TM9SF4: variants seen among roughly 807,000 people sequenced by gnomAD.
TM9SF4 encodes dinucleotide oxidase disulfide thiol exchanger 3 superfamily member 4.
TM9SF4 carries 26 observed loss-of-function variants against 90.4 expected under a neutral mutation model. That is an observed-to-expected ratio of 0.29 (90% CI 0.21 to 0.40). TM9SF4 has a LOEUF of 0.40. Among genes scored for constraint, TM9SF4 ranks in the 10% least tolerant of loss-of-function variants. The pLI is 1.00. For synonymous variants in TM9SF4, 293 were observed against 315.4 expected (o/e 0.93, Z 0.75); for missense variants, 549 against 834.8 (o/e 0.66, Z 4.22).
chr20:32,156,167 A>G (rs989922690), intron 13 of TM9SF4, among the ~76,000 whole-genome samples: 1 of 152,234 alleles, frequency 6.6e-6, no homozygotes, highest in African/African-American at 2.4e-5. Context: ...TTTAAAATTT[A>G]TAAAATAACA....
chr20:32,113,286 C>T (rs555954713), intron 1 of TM9SF4, among the ~76,000 whole-genome samples: 48 of 152,326 alleles, frequency 3.2e-4, no homozygotes, highest in African/African-American at 1.1e-3. Flanking sequence ...GAGCCGCCAG[C>T]TCCCAGAACA....
intron 1 of TM9SF4, among the ~76,000 whole-genome samples, chr20:32,127,511 G>C (rs2046440453): frequency 6.6e-6 from 1 of 152,152 alleles, no homozygotes; most frequent in African/African-American, 2.4e-5. Flanking sequence ...GCAGGGACTT[G>C]GTAAGTGGAA....
chr20:32,160,055 G>C lies in TM9SF4; in HGVS notation c.1633G>C (p.Val545Leu). ...CCTGTTCCTTGTTTTCATCATCCTG[G>C]TGGTATCCTGTTCACAAATCAGCAT... ...GFLFLVFIILVVSCSQISIVM... is the reference protein window; with the variant it reads ...GFLFLVFIILLVSCSQISIVM... Residue 545 changes from valine (V) to leucine (L), a missense_variant, in exon 16 of 18, where the codon GTG (valine) becomes CTG (leucine). This residue lies in a region of TM9SF4 where 495 missense variants were observed against 711.7 expected (regional missense o/e 0.70). Coordinates refer to ENST00000398022, the MANE Select transcript of TM9SF4 (RefSeq NM_014742.4). The C allele has an allele frequency of 1.2e-6, 2 of 1,614,188 alleles. No homozygotes were observed. Among genetic ancestry groups the C allele is most frequent in the Non-Finnish European group, 1.7e-6 (2 of 1,180,032 alleles).
At chr20:32,148,886 G>A (rs2046801427) in intron 9 of TM9SF4, among the ~76,000 whole-genome samples, 1 of 152,012 alleles carries the variant, frequency 6.6e-6, no homozygotes. Context: ...TAGCCAGGAT[G>A]GTCTCGATCT....
At position 32,122,145 on chromosome 20, in the gene TM9SF4, C is replaced by T. The variant is rs866157453; in HGVS notation, c.16-10868C>T. On this transcript the variant is annotated intron_variant, in intron 1 of 17. Coordinates refer to ENST00000398022, the MANE Select transcript of TM9SF4 (RefSeq NM_014742.4). The stretch of plus-strand genomic sequence containing the variant: ...TCACCTCCCAGACGGGGCAGCTGGC[C>T]GGGCGGGGGGGGTGACCCCCCCACC... Among the ~76,000 whole-genome samples, 21 of 134,832 alleles carry T rather than the reference C, an allele frequency of 1.6e-4. 1 individual carries two copies. Among genetic ancestry groups the T allele is most frequent in the African/African-American group, 4.8e-4 (16 of 33,294 alleles). 88.5% of individuals were successfully genotyped at this position (134,832 alleles called of 152,430 possible). A position where few individuals can be genotyped will look rare whatever the true frequency, so the allele number is the denominator to read the frequency against.
chr20:32,164,422 G>C (rs1306123718), intron 17 of TM9SF4, among the ~76,000 whole-genome samples: 1 of 152,126 alleles, frequency 6.6e-6, no homozygotes, highest in Non-Finnish European at 1.5e-5. Context: ...TGAGGCAGGA[G>C]GATCCCTTGA....
chr20:32,126,094 C>A (rs1375070012), intron 1 of TM9SF4, among the ~76,000 whole-genome samples: 3 of 150,406 alleles, frequency 2.0e-5, no homozygotes, highest in Non-Finnish European at 3.0e-5. Context: ...CACACACACA[C>A]ACACACACAC....
Position 32,161,620 on chromosome 20 carries a change from G to A in TM9SF4, c.1779+255G>A, listed in dbSNP as rs540758323. 2.0e-5 allele frequency among the ~76,000 whole-genome samples: 3 copies of A among 152,302 alleles called. No homozygotes were observed. The South Asian group carries it at 6.2e-4, about 32-fold the overall frequency. On this transcript the variant is annotated intron_variant, in intron 17 of 17. Coordinates refer to ENST00000398022, the MANE Select transcript of TM9SF4 (RefSeq NM_014742.4). ...GAATAATGCTTGTAAAACTTACGAGGTATAGCCATAGCCAAAGCAGGACTT... is the reference window on the plus strand; with the variant it reads ...GAATAATGCTTGTAAAACTTACGAGATATAGCCATAGCCAAAGCAGGACTT...
intron 1 of TM9SF4, among the ~76,000 whole-genome samples, chr20:32,125,839 T>C (rs1301595616): frequency 6.6e-6 from 1 of 151,910 alleles, no homozygotes; most frequent in African/African-American, 2.4e-5. Context: ...CAGCTAACTT[T>C]TTGTATTTTG....
chr20:32,138,340 A>G (rs2046622701), intron 3 of TM9SF4, among the ~76,000 whole-genome samples: 1 of 152,222 alleles, frequency 6.6e-6, no homozygotes, highest in Non-Finnish European at 1.5e-5. Context: ...GAGTACTTCC[A>G]TGTATAAAAT....
At chr20:32,111,048 A>G (rs1306829159) in intron 1 of TM9SF4, among the ~76,000 whole-genome samples, 2 of 152,242 alleles carry the variant, frequency 1.3e-5, no homozygotes, top group East Asian at 3.8e-4. Context: ...TTCTCCAAAC[A>G]GGGATATATT....
chr20:32,141,999 C>A, intron 5 of TM9SF4, 104 bp downstream of exon 5: 1 of 1,553,954 alleles, frequency 6.4e-7, no homozygotes, highest in Non-Finnish European at 8.7e-7. Flanking sequence ...CAAGTTTCTC[C>A]AGGTGCCCTG....
At position 32,142,858 on chromosome 20, in the gene TM9SF4, T is replaced by G. The variant is rs866445027; in HGVS notation, c.529-124T>G. 38 of 1,279,740 alleles carry G rather than the reference T, an allele frequency of 3.0e-5. No individual in the cohort carries two copies. The African/African-American group carries it at 4.1e-4, about 14-fold the overall frequency. 79.3% of individuals were successfully genotyped at this position (1,279,740 alleles called of 1,614,324 possible). ...CTTGAAGAGCTTCTGAGTAGGGGAGTGATGAGAACAGTGTTTTAGGAAGGT... is the reference window on the plus strand; with the variant it reads ...CTTGAAGAGCTTCTGAGTAGGGGAGGGATGAGAACAGTGTTTTAGGAAGGT... On this transcript the variant is annotated intron_variant, in intron 5 of 17. Transcript: ENST00000398022.
At chr20:32,163,268 A>AATATATATATATATATATAT (rs1186662308) in intron 17 of TM9SF4, among the ~76,000 whole-genome samples, 40 of 74,370 alleles carry the variant, frequency 5.4e-4, no homozygotes, top group South Asian at 7.0e-4. Flanking sequence ...AAAAAAAAAA[A>AATATATATATATATATATAT]ATATATATAT....
At chr20:32,111,508 T>C (rs1371738960) in intron 1 of TM9SF4, among the ~76,000 whole-genome samples, 1 of 152,014 alleles carries the variant, frequency 6.6e-6, no homozygotes, top group Non-Finnish European at 1.5e-5. Context: ...TAGTTGTGAA[T>C]TACAGGGTCA....
chr20:32,131,805 C>G (rs953790766), intron 1 of TM9SF4, among the ~76,000 whole-genome samples: 6 of 152,164 alleles, frequency 3.9e-5, no homozygotes, highest in Non-Finnish European at 8.8e-5. Context: ...GAAAGAGATG[C>G]AATGGACCTT....
At chr20:32,154,286 C>T (rs1419443032) in intron 12 of TM9SF4, among the ~76,000 whole-genome samples, 1 of 151,636 alleles carries the variant, frequency 6.6e-6, no homozygotes, top group Non-Finnish European at 1.5e-5. Flanking sequence ...GTAGCTGGGA[C>T]CACAGGTGCG....
chr20:32,110,838 G>T (rs1336227252), intron 1 of TM9SF4, among the ~76,000 whole-genome samples: 1 of 152,178 alleles, frequency 6.6e-6, no homozygotes, highest in South Asian at 2.1e-4. Flanking sequence ...TAAAAGTTTA[G>T]TTCAAATTCT....
intron 1 of TM9SF4, among the ~76,000 whole-genome samples, chr20:32,122,529 G>A (rs1432749324): frequency 2.0e-5 from 3 of 150,550 alleles, no homozygotes; most frequent in East Asian, 3.9e-4. Context: ...TCCCAGACGG[G>A]GTGGCGGCCG....
Sources: gnomAD v4.1 joint callset for allele counts (sites outside exome capture counted in the v4.1 genomes callset) on GRCh38, gnomAD v4.1.1 for gene constraint, gnomAD v4.1.1 regional missense constraint, MANE v1.5 for transcripts, NCBI Gene and HGNC (gene_info 2026-07-23, HGNC 2026-07-21) for gene names.